BSN: variants seen among roughly 807,000 people sequenced by gnomAD.
The protein encoded by BSN is bassoon presynaptic cytomatrix protein.
Under a neutral mutation model 264.8 loss-of-function variants are expected in BSN, and 57 were observed. That is an observed-to-expected ratio of 0.22 (90% CI 0.17 to 0.27). The LOEUF is 0.27. BSN is among the 10% of genes least tolerant of loss of function. BSN has a pLI of 1.00. For synonymous variants in BSN, 2,059 were observed against 2,137.3 expected, an observed-to-expected ratio of 0.96 and a Z score of 1.01; for missense variants, 4,615 against 5,232.5, an observed-to-expected ratio of 0.88 and a Z score of 3.64.
In BSN at chr3:49,661,647, G is replaced by A; in HGVS notation, c.9802G>A (p.Glu3268Lys). The A allele has an allele frequency of 6.2e-7, 1 of 1,613,654 alleles. No homozygotes were observed. Among genetic ancestry groups the A allele is most frequent in the Non-Finnish European group, 8.5e-7 (1 of 1,180,044 alleles). ...AGGCAGCAGTGGGCGTCCAGGGAAG[G>A]AGCCTGGAGAACCAGGTGTCCTTGA... ...GPGSSGRPGKEPGEPGVLDGP... is the reference protein window; with the variant it reads ...GPGSSGRPGKKPGEPGVLDGP... The change falls in exon 6 of 12, where the codon GAG becomes AAG. Residue 3268 changes from glutamate to lysine, a missense_variant. Glu to Lys is a moderately conservative substitution (Grantham distance 56). Transcript: ENST00000296452.
At chr3:49,587,731 T>A (rs564148584) in intron 1 of BSN, among the ~76,000 whole-genome samples, 2 of 152,170 alleles carry the variant, frequency 1.3e-5, no homozygotes, top group African/African-American at 4.8e-5. Context: ...TGGAAGGCGA[T>A]CAGTCAGAGG....
intron 1 of BSN, among the ~76,000 whole-genome samples, chr3:49,572,775 C>T (rs1241249191): frequency 2.0e-5 from 3 of 152,182 alleles, no homozygotes; most frequent in Admixed American, 6.5e-5. Flanking sequence ...CCTTGTGATC[C>T]GCCCGCCTAA....
At chr3:49,617,283 T>TTTTATATATATA (rs1260747649) in intron 1 of BSN, among the ~76,000 whole-genome samples, 8 of 122,090 alleles carry the variant, frequency 6.6e-5, no homozygotes, top group African/African-American at 1.9e-4. Context: ...ATAAAATACA[T>TTTTATATATATA]TATATATATA....
chr3:49,651,395 C>A lies in BSN; in HGVS notation c.1987-148C>A. 1 of 881,862 alleles carries A rather than the reference C, an allele frequency of 1.1e-6. No homozygotes were observed. Among genetic ancestry groups the A allele is most frequent in the Non-Finnish European group, 1.7e-6 (1 of 590,096 alleles). The allele number at this position is 881,862 out of a possible 1,614,324, so 54.6% of individuals were successfully genotyped here. Reference sequence around the variant, plus strand: ...CATGGAACCTTCAGGTTATTCAAGGCCAGAAGGAGATAGGGTGGGTGGCGG... The same window carrying A: ...CATGGAACCTTCAGGTTATTCAAGGACAGAAGGAGATAGGGTGGGTGGCGG... On this transcript the variant is annotated intron_variant, in intron 4 of 11. Coordinates refer to ENST00000296452, the MANE Select transcript of BSN (RefSeq NM_003458.4). The surrounding 1 kb of genome is among the most constrained non-coding windows in gnomAD (Gnocchi z 5.4).
chr3:49,565,359 C>T lies in BSN; in HGVS notation c.224+10533C>T, dbSNP rs192759459. Reference sequence around the variant, plus strand: ...TTGAGACAGAGTCTCGCTCTGTCGTCGCCCAGGCTGGAGTGCAGTGGTGCG... The same window carrying T: ...TTGAGACAGAGTCTCGCTCTGTCGTTGCCCAGGCTGGAGTGCAGTGGTGCG... On this transcript the variant is annotated intron_variant, in intron 1 of 11. Transcript: ENST00000296452. Among the ~76,000 whole-genome samples, 269 of 140,540 alleles carry T rather than the reference C, an allele frequency of 1.9e-3. 2 individuals carry two copies. The highest frequency in any genetic ancestry group is 6.6e-3 in the African/African-American group (249 of 37,562). 92.2% of individuals were successfully genotyped at this position (140,540 alleles called of 152,430 possible).
chr3:49,595,383 G>A (rs1005631382), intron 1 of BSN, among the ~76,000 whole-genome samples: 2 of 151,180 alleles, frequency 1.3e-5, no homozygotes, highest in Non-Finnish European at 2.9e-5. Flanking sequence ...GTAGAGACAG[G>A]GTTTCTGCAT....
At chr3:49,599,963 T>C (rs1342462155) in intron 1 of BSN, among the ~76,000 whole-genome samples, 2 of 152,040 alleles carry the variant, frequency 1.3e-5, no homozygotes, top group Admixed American at 1.3e-4. Flanking sequence ...AGTGAGGGAG[T>C]CCTGCTGTGT....
intron 3 of BSN, among the ~76,000 whole-genome samples, chr3:49,644,380 G>A (rs570878118): frequency 6.6e-6 from 1 of 152,288 alleles, no homozygotes; most frequent in Non-Finnish European, 1.5e-5. Flanking sequence ...CCTTGGGCCA[G>A]GACTCCACAG....
Position 49,668,604 on chromosome 3 carries a change from C to T in BSN, c.*1119C>T, listed in dbSNP as rs1046737105. On this transcript the variant is annotated 3_prime_UTR_variant, in exon 12 of 12. Transcript: ENST00000296452. ...CCCAGGGCGAGGTCTGGGGAGGCCTCCCAGCCCGCCTCTGTTTACTGTGCA... is the reference window on the plus strand; with the variant it reads ...CCCAGGGCGAGGTCTGGGGAGGCCTTCCAGCCCGCCTCTGTTTACTGTGCA... 1 of 152,764 alleles carries T rather than the reference C, an allele frequency of 6.5e-6. No homozygotes were observed. The highest frequency in any genetic ancestry group is 1.5e-5 in the Non-Finnish European group (1 of 68,054). The allele number at this position is 152,764 out of a possible 1,614,324, so 9.5% of individuals were successfully genotyped here.
Position 49,642,392 on chromosome 3 carries a change from C to G in BSN, c.758C>G (p.Pro253Arg). ...HSPALSPAHS[P>R]AKQPLGKPDQ... ...CCAGCCCTGTCTCCTGCCCACTCCC[C>G]GGCCAAACAGCCCCTGGGGAAGCCA... The change falls in exon 3 of 12, where the codon CCG becomes CGG. Residue 253 changes from proline (P) to arginine (R), a missense_variant. Coordinates refer to ENST00000296452, the MANE Select transcript of BSN (RefSeq NM_003458.4). The surrounding 1 kb of genome is among the most constrained non-coding windows in gnomAD (Gnocchi z 7.0). 2 of 1,600,562 alleles carry G rather than the reference C, an allele frequency of 1.2e-6. No homozygotes were observed. Among genetic ancestry groups the G allele is most frequent in the Non-Finnish European group, 1.7e-6 (2 of 1,173,622 alleles).
rs754992184 is a variant in BSN at position 49,653,201 on chromosome 3, C to T, written c.3645C>T (p.Pro1215=). The change falls in exon 5 of 12, where the codon CCC becomes CCT. Residue 1215 remains proline, a synonymous_variant. Transcript: ENST00000296452. This position sits in a 1 kb window ranked among gnomAD's most constrained non-coding sequence, Gnocchi z 6.3. ...GGGCCCGGGGACCCCATGGCGGCCC[C>T]TCTCAGCCCACAGGCCCCCGGGGCC... ...AAGARGPHGG[P]SQPTGPRGLG... The T allele has an allele frequency of 1.1e-5, 17 of 1,610,944 alleles. No homozygotes were observed. Among genetic ancestry groups the T allele is most frequent in the Non-Finnish European group, 1.4e-5 (16 of 1,179,398 alleles).
At chr3:49,664,349 G>T in intron 8 of BSN, 74 bp from the exon 9 acceptor site, 1 of 1,595,366 alleles carries the variant, frequency 6.3e-7, no homozygotes, top group African/African-American at 1.3e-5. Context: ...AGATTCTCTC[G>T]TGGGTACTTG....
rs2052539784 is a variant in BSN at position 49,651,348 on chromosome 3, C to G, written c.1987-195C>G. The G allele has an allele frequency of 5.9e-6, 4 of 673,000 alleles. No homozygotes were observed. Among genetic ancestry groups the G allele is most frequent in the Non-Finnish European group, 9.6e-6 (4 of 415,340 alleles). 41.7% of individuals were successfully genotyped at this position (673,000 alleles called of 1,614,324 possible). A position where few individuals can be genotyped will look rare whatever the true frequency, so the allele number is the denominator to read the frequency against. On this transcript the variant is annotated intron_variant, in intron 4 of 11. Coordinates refer to ENST00000296452, the MANE Select transcript of BSN (RefSeq NM_003458.4). The surrounding 1 kb of genome is among the most constrained non-coding windows in gnomAD (Gnocchi z 5.4). ...ATCTAGTAAAGTTTCTCTTTGAAGA[C>G]CAAGGGCTGGTTTGGGCTTGCCATG...
In BSN at chr3:49,614,051, C is replaced by CTTTTT. The variant is rs35326455; in HGVS notation, c.225-10904_225-10900dup. Among the ~76,000 whole-genome samples, 810 of 87,804 alleles carry CTTTTT rather than the reference C, an allele frequency of 9.2e-3. 4 individuals carry two copies. Among genetic ancestry groups the CTTTTT allele is most frequent in the Non-Finnish European group, 0.012 (561 of 47,812 alleles). 57.6% of individuals were successfully genotyped at this position (87,804 alleles called of 152,430 possible). ...CACCATGGTGCAAGAGACATTCAGT[C>CTTTTT]TTTTTTTTTTTTTTTTTTTTTTTTG... On this transcript the variant is annotated intron_variant, in intron 1 of 11. Coordinates refer to ENST00000296452, the MANE Select transcript of BSN (RefSeq NM_003458.4).
rs116631025 is a variant in BSN, at chr3:49,608,278, A to T, written c.225-16697A>T. On this transcript the variant is annotated intron_variant, in intron 1 of 11. Transcript: ENST00000296452. ...GGAAACCACAGAGGAAAGACTGCAT[A>T]GTTGGCAAGAAAGGAAAACAGACCA... Among the ~76,000 whole-genome samples the T allele has an allele frequency of 9.1e-3, 1,383 of 152,322 alleles. 19 individuals carry two copies. Among genetic ancestry groups the T allele is most frequent in the African/African-American group, 0.032 (1,328 of 41,578 alleles).
intron 1 of BSN, among the ~76,000 whole-genome samples, chr3:49,592,784 C>G: frequency 6.6e-6 from 1 of 151,824 alleles, no homozygotes; most frequent in East Asian, 1.9e-4. Flanking sequence ...CAGAGAGATT[C>G]CTTTTACATT....
In BSN at chr3:49,657,459, C is replaced by G. The variant is rs762860512; in HGVS notation, c.7903C>G (p.Arg2635Gly). The stretch of plus-strand genomic sequence containing the variant: ...GCGCCGCCGCAGGTCTCGTCTTCCC[C>G]GCCACTCAGACTCAGGCTCTGACAG... Reference protein sequence around the residue: ...PVRRRRSRLPRHSDSGSDSKH... With the variant: ...PVRRRRSRLPGHSDSGSDSKH... Residue 2635 changes from arginine (R) to glycine (G), a missense_variant, in exon 5 of 12, where the codon CGC becomes GGC. Physicochemically the swap from Arg to Gly is moderately radical, Grantham distance 125. This residue lies in a region of BSN where 3,415 missense variants were observed against 3,866.4 expected (regional missense o/e 0.88). Transcript: ENST00000296452. 2 of 1,612,902 alleles carry G rather than the reference C, an allele frequency of 1.2e-6. No individual in the cohort carries two copies. The highest frequency in any genetic ancestry group is 8.5e-7 in the Non-Finnish European group (1 of 1,179,864).
chr3:49,631,585 G>A (rs7640519), intron 2 of BSN, among the ~76,000 whole-genome samples: 1 of 151,936 alleles, frequency 6.6e-6, no homozygotes, highest in Non-Finnish European at 1.5e-5. Context: ...AGTTATTGGG[G>A]GCTTCTCCAA....
At chr3:49,566,537 C>T (rs2051753156) in intron 1 of BSN, among the ~76,000 whole-genome samples, 2 of 152,052 alleles carry the variant, frequency 1.3e-5, no homozygotes, top group African/African-American at 4.8e-5. Flanking sequence ...GTAATCTCAG[C>T]ACTTTGGGAA....
Sources: gnomAD v4.1 joint callset for allele counts (sites outside exome capture counted in the v4.1 genomes callset) on GRCh38, gnomAD v4.1.1 for gene constraint, gnomAD v4.1.1 regional missense constraint, Gnocchi (gnomAD v3.1) non-coding constraint, MANE v1.5 for transcripts, NCBI Gene and HGNC (gene_info 2026-07-23, HGNC 2026-07-21) for gene names.